Variants in LEMD1 observed in about 807,000 individuals in gnomAD.
LEMD1 encodes LEM domain-containing protein 1.
A neutral mutation model predicts 17.4 loss-of-function variants in LEMD1; 18 were observed. The observed-to-expected ratio is 1.04, with a 90% CI of 0.72 to 1.54. The LOEUF is 1.54. Among genes scored for constraint, LEMD1 ranks in the 40% most tolerant of loss-of-function variants. The probability of loss-of-function intolerance (pLI) is 0.00; values close to 1 mark genes in which losing one functional copy is unlikely to be tolerated. For synonymous variants in LEMD1, 88 were observed against 77.8 expected (o/e 1.13, Z -0.69); for missense variants, 195 against 210.4 (o/e 0.93, Z 0.45).
chr1:205,433,647 T>G (rs1324283905), intron 1 of LEMD1, among the ~76,000 whole-genome samples: 2 of 152,124 alleles, frequency 1.3e-5, no homozygotes, highest in Non-Finnish European at 2.9e-5. Context: ...AAGGCTGGGC[T>G]GCAGACAGCA....
intron 4 of LEMD1, among the ~76,000 whole-genome samples, chr1:205,401,079 C>T (rs1195515549): frequency 3.3e-5 from 5 of 151,604 alleles, no homozygotes. Flanking sequence ...GCCACATTTT[C>T]TTAATCCAGT....
chr1:205,427,995 G>A (rs1470139299), intron 1 of LEMD1, among the ~76,000 whole-genome samples: 5 of 152,230 alleles, frequency 3.3e-5, no homozygotes, highest in Admixed American at 3.3e-4. Context: ...GAGTATGGAA[G>A]GCAATTGGGT....
At position 205,381,744 on chromosome 1, in the gene LEMD1, C is replaced by T. The variant is rs146681870; in HGVS notation, c.460G>A (p.Val154Met). The part of the protein sequence containing the change: ...IESWREEGFP[V>M]GLKLAVLGIF... ...CCAAGCACAGCAAGCTTCAAGCCCACTGGGAAACCTTCTTCTCTCCAGCTC... is the reference window on the plus strand; with the variant it reads ...CCAAGCACAGCAAGCTTCAAGCCCATTGGGAAACCTTCTTCTCTCCAGCTC... The change falls in exon 6 of 6, where the codon GTG (valine) becomes ATG (methionine). Residue 154 changes from valine (V) to methionine (M), a missense_variant. Transcript: ENST00000367153. 1.8e-4 allele frequency: 297 copies of T among 1,614,252 alleles called. 1 individual carries two copies. The African/African-American group carries it at 2.9e-3, about 15-fold the overall frequency.
At chr1:205,438,730 C>A (rs905564961) in intron 1 of LEMD1, among the ~76,000 whole-genome samples, 8 of 152,082 alleles carry the variant, frequency 5.3e-5, no homozygotes, top group Non-Finnish European at 1.0e-4. Flanking sequence ...ACTGGACCTC[C>A]ACTCAGAACA....
upstream of LEMD1, among the ~76,000 whole-genome samples, chr1:205,424,096 G>T (rs1316414021): frequency 6.6e-6 from 1 of 152,202 alleles, no homozygotes; most frequent in Non-Finnish European, 1.5e-5. Context: ...CAATTTAAAT[G>T]TAAATGCAAT....
At chr1:205,386,873 G>C (rs1664057474) in intron 4 of LEMD1, 1 of 152,132 alleles carries the variant, frequency 6.6e-6, no homozygotes, top group African/African-American at 2.4e-5. Flanking sequence ...CTATTTCCAA[G>C]GGTATTGGAA....
At position 205,384,356 on chromosome 1, in the gene LEMD1, C is replaced by T. The variant is rs1663883753; in HGVS notation, c.279G>A (p.Glu93=). 2 of 1,512,276 alleles carry T rather than the reference C, an allele frequency of 1.3e-6. No homozygotes were observed. The highest frequency in any genetic ancestry group is 8.9e-7 in the Non-Finnish European group (1 of 1,129,806). The allele number at this position is 1,512,276 out of a possible 1,614,324, so 93.7% of individuals were successfully genotyped here. A position where few individuals can be genotyped will look rare whatever the true frequency, so the allele number is the denominator to read the frequency against. Residue 93 remains glutamate, a synonymous_variant, in exon 5 of 6, where the codon GAG becomes GAA. Coordinates refer to ENST00000367153, the MANE Select transcript of LEMD1 (RefSeq NM_001199050.2). ...EKSKKLKKWP[E]ASTTKRKAVD... is the part of the protein sequence containing the mutation. Reference sequence around the variant, plus strand: ...CAGCTTTGCGTTTAGTGGTGGAAGCCTCAGGCCACTGATAAACAGAAAGAA... The same window carrying T: ...CAGCTTTGCGTTTAGTGGTGGAAGCTTCAGGCCACTGATAAACAGAAAGAA...
intron 3 of LEMD1, among the ~76,000 whole-genome samples, chr1:205,418,291 A>G (rs1490540325): frequency 4.6e-5 from 7 of 152,114 alleles, no homozygotes; most frequent in Non-Finnish European, 1.0e-4. Context: ...AATGCCTTGG[A>G]ATGTATTGTG....
chr1:205,398,333 C>A (rs1259766490), intron 4 of LEMD1, among the ~76,000 whole-genome samples: 1 of 152,222 alleles, frequency 6.6e-6, no homozygotes, highest in Non-Finnish European at 1.5e-5. Flanking sequence ...GAATCACACA[C>A]TACTTAATGG....
intron 4 of LEMD1, among the ~76,000 whole-genome samples, chr1:205,387,655 T>C (rs921014673): frequency 1.3e-5 from 2 of 152,218 alleles, no homozygotes; most frequent in African/African-American, 2.4e-5. Context: ...TCTGCAAAGA[T>C]GGCTGTTTTA....
intron 4 of LEMD1, among the ~76,000 whole-genome samples, chr1:205,402,167 G>A (rs376005879): frequency 0.017 from 2,616 of 152,236 alleles, 36 homozygotes; most frequent in Non-Finnish European, 0.024. Flanking sequence ...TTTGGCTTAG[G>A]ATTGACTTGG....
chr1:205,436,872 CCACATCTGGG>C (rs1159636414), intron 1 of LEMD1: 3 of 152,246 alleles, frequency 2.0e-5, no homozygotes, highest in African/African-American at 7.2e-5. Flanking sequence ...AAAGTTCCAG[CCACATCTGGG>C]CACATCTGAT....
chr1:205,439,795 C>A (rs1262603031), intron 1 of LEMD1, among the ~76,000 whole-genome samples: 3 of 152,134 alleles, frequency 2.0e-5, no homozygotes, highest in East Asian at 3.9e-4. Context: ...GTCTTCTAGC[C>A]CCGGAGAACT....
At chr1:205,425,606 G>A (rs975100010), upstream of LEMD1, among the ~76,000 whole-genome samples, 5 of 152,194 alleles carry the variant, frequency 3.3e-5, no homozygotes, top group Non-Finnish European at 7.3e-5. Context: ...GGAAACGAGT[G>A]AGCCCAGTAG....
upstream of LEMD1, among the ~76,000 whole-genome samples, chr1:205,425,733 T>C (rs956289570): frequency 6.6e-6 from 1 of 152,094 alleles, no homozygotes; most frequent in African/African-American, 2.4e-5. Flanking sequence ...GCATGAGGCA[T>C]GAACAAGGTT....
rs1344621714 is a variant in LEMD1, at chr1:205,383,640, T to TC, written c.347+647_347+648insG. On this transcript the variant is annotated intron_variant, in intron 5 of 5. Transcript: ENST00000367153. The stretch of plus-strand genomic sequence containing the variant: ...TATCCTTTTTTTTTTTTCTTTTTTC[T>TC]TTTTTTTTTTTGAGGCAGAGTCTCG... Among the ~76,000 whole-genome samples the TC allele has an allele frequency of 2.1e-5, 3 of 140,650 alleles. No individual in the cohort carries two copies. In the East Asian group the frequency reaches 5.9e-4, roughly 28 times the overall value. 92.3% of individuals were successfully genotyped at this position (140,650 alleles called of 152,430 possible). A position where few individuals can be genotyped will look rare whatever the true frequency, so the allele number is the denominator to read the frequency against.
rs766350583 is a variant in LEMD1, at chr1:205,381,756, C to T, written c.448G>A (p.Glu150Lys). 6.2e-7 allele frequency: 1 copy of T among 1,614,236 alleles called. No individual in the cohort carries two copies. The highest frequency in any genetic ancestry group is 1.7e-5 in the Admixed American group (1 of 60,034). ...EDQTIESWRE[E>K]GFPVGLKLAV... ...AGCTTCAAGCCCACTGGGAAACCTT[C>T]TTCTCTCCAGCTCTCGATAGTCTGG... Residue 150 changes from glutamate (E) to lysine (K), a missense_variant, in exon 6 of 6, where the codon GAA (glutamate) becomes AAA (lysine). Coordinates refer to ENST00000367153, the MANE Select transcript of LEMD1 (RefSeq NM_001199050.2).
At chr1:205,410,933 A>T (rs999549306) in intron 4 of LEMD1, among the ~76,000 whole-genome samples, 1 of 151,340 alleles carries the variant, frequency 6.6e-6, no homozygotes, top group African/African-American at 2.4e-5. Flanking sequence ...AGAAAAGAGA[A>T]AGAAAGGAAG....
At chr1:205,428,156 T>C (rs1019616711) in intron 1 of LEMD1, among the ~76,000 whole-genome samples, 19 of 152,190 alleles carry the variant, frequency 1.2e-4, no homozygotes, top group Admixed American at 1.1e-3. Context: ...TTTTAAAACA[T>C]TTAAAATAAA....
Sources: gnomAD v4.1 joint callset for allele counts (sites outside exome capture counted in the v4.1 genomes callset) on GRCh38, gnomAD v4.1.1 for gene constraint, MANE v1.5 for transcripts, NCBI Gene and HGNC (gene_info 2026-07-23, HGNC 2026-07-21) for gene names.